The following FRMD5 variants were observed in gnomAD, a reference collection of about 807,000 sequenced individuals.
The protein encoded by FRMD5 is FERM domain-containing protein 5.
FRMD5 carries 20 observed loss-of-function variants against 69.0 expected under a neutral mutation model. The observed-to-expected ratio is 0.29, with a 90% CI of 0.20 to 0.42. The LOEUF is 0.42. Ranked by LOEUF, FRMD5 falls within the 10% of genes least tolerant of loss-of-function variation. The pLI is 1.00. For synonymous variants in FRMD5, 271 were observed against 260.1 expected, an observed-to-expected ratio of 1.04 and a Z score of -0.40; for missense variants, 595 against 708.6, an observed-to-expected ratio of 0.84 and a Z score of 1.82.
At chr15:44,108,558 T>C (rs1026877260) in intron 1 of FRMD5, among the ~76,000 whole-genome samples, 2 of 152,074 alleles carry the variant, frequency 1.3e-5, no homozygotes, top group Non-Finnish European at 2.9e-5. Flanking sequence ...GGCAGGAGAA[T>C]TGCTTAAACT....
At chr15:43,949,397 A>C (rs968846348) in intron 1 of FRMD5, among the ~76,000 whole-genome samples, 1 of 152,200 alleles carries the variant, frequency 6.6e-6, no homozygotes, top group African/African-American at 2.4e-5. Context: ...CAGTGATATA[A>C]TTATTCACAA....
At chr15:43,924,590 A>C (rs2089550937) in intron 1 of FRMD5, among the ~76,000 whole-genome samples, 1 of 152,164 alleles carries the variant, frequency 6.6e-6, no homozygotes, top group Non-Finnish European at 1.5e-5. Flanking sequence ...ATGCACAGAG[A>C]GCTTTCTTAA....
At position 43,989,113 on chromosome 15, in the gene FRMD5, T is replaced by C. The variant is rs1469614975; in HGVS notation, c.103-64804A>G. 3 of 985,894 alleles carry C rather than the reference T, an allele frequency of 3.0e-6. No homozygotes were observed. The African/African-American group carries it at 4.8e-5, about 16-fold the overall frequency. 61.1% of individuals were successfully genotyped at this position (985,894 alleles called of 1,614,324 possible). A position where few individuals can be genotyped will look rare whatever the true frequency, so the allele number is the denominator to read the frequency against. Reference sequence around the variant, plus strand: ...GGTGCCTGACTCATCATATTCCTGCTTGCTGATCCACATCTGCTGGACGGT... The same window carrying C: ...GGTGCCTGACTCATCATATTCCTGCCTGCTGATCCACATCTGCTGGACGGT... On this transcript the variant is annotated intron_variant, in intron 1 of 13. Coordinates refer to ENST00000417257, the MANE Select transcript of FRMD5 (RefSeq NM_032892.5).
chr15:44,013,947 C>A (rs554820657), intron 1 of FRMD5, among the ~76,000 whole-genome samples: 3 of 151,740 alleles, frequency 2.0e-5, no homozygotes, highest in Admixed American at 2.0e-4. Context: ...AGCTCCACCC[C>A]CTGGGTTCAC....
At chr15:44,059,316 G>T (rs545910065) in intron 1 of FRMD5, among the ~76,000 whole-genome samples, 4 of 152,254 alleles carry the variant, frequency 2.6e-5, no homozygotes, top group African/African-American at 7.2e-5. Context: ...ACATTTCAAG[G>T]CCAGGTGAAT....
At chr15:44,063,235 A>C (rs1893169373) in intron 1 of FRMD5, among the ~76,000 whole-genome samples, 1 of 152,210 alleles carries the variant, frequency 6.6e-6, no homozygotes, top group African/African-American at 2.4e-5. Context: ...TAAACCATTA[A>C]TTAAATTTCT....
intron 1 of FRMD5, among the ~76,000 whole-genome samples, chr15:44,045,721 G>T (rs1164461062): frequency 6.6e-6 from 1 of 152,086 alleles, no homozygotes; most frequent in African/African-American, 2.4e-5. Context: ...GTAAGGAAGG[G>T]GCAGAAGGAG....
At chr15:44,107,656 A>AT (rs1436885810) in intron 1 of FRMD5, among the ~76,000 whole-genome samples, 3 of 152,224 alleles carry the variant, frequency 2.0e-5, no homozygotes, top group African/African-American at 7.2e-5. Flanking sequence ...ATTTTTTAAC[A>AT]TTCCATTAAA....
At chr15:44,059,344 C>T (rs1440452158) in intron 1 of FRMD5, among the ~76,000 whole-genome samples, 1 of 152,054 alleles carries the variant, frequency 6.6e-6, no homozygotes, top group Non-Finnish European at 1.5e-5. Flanking sequence ...ATGATAGAGT[C>T]TGCATAGGTT....
intron 1 of FRMD5, among the ~76,000 whole-genome samples, chr15:43,946,771 C>T (rs2089954653): frequency 1.3e-5 from 2 of 152,164 alleles, no homozygotes; most frequent in Admixed American, 1.3e-4. Context: ...CTTCTGTCCC[C>T]CTGCTCCCTA....
intron 1 of FRMD5, among the ~76,000 whole-genome samples, chr15:43,970,500 C>G (rs550797405): frequency 2.0e-5 from 3 of 152,206 alleles, no homozygotes; most frequent in Non-Finnish European, 4.4e-5. Flanking sequence ...GAGACAGTCT[C>G]GCTCTGTCAC....
intron 1 of FRMD5, among the ~76,000 whole-genome samples, chr15:44,046,752 G>C (rs8029187): frequency 0.028 from 4,281 of 152,154 alleles, 170 homozygotes; most frequent in African/African-American, 0.088. Context: ...GCAAATTCTT[G>C]GAAACACCAC....
At chr15:43,880,956 A>G (rs1422082462) in intron 13 of FRMD5, among the ~76,000 whole-genome samples, 1 of 152,178 alleles carries the variant, frequency 6.6e-6, no homozygotes, top group Non-Finnish European at 1.5e-5. Flanking sequence ...CAGCCTCAGC[A>G]TGTCTCAGGA....
intron 4 of FRMD5, among the ~76,000 whole-genome samples, chr15:43,914,320 C>T (rs953459017): frequency 3.3e-5 from 5 of 152,180 alleles, no homozygotes; most frequent in Non-Finnish European, 7.3e-5. Context: ...CCACTGGCTT[C>T]CCCTATTTAC....
intron 1 of FRMD5, among the ~76,000 whole-genome samples, chr15:43,938,449 C>T (rs544054524): frequency 2.5e-4 from 38 of 152,272 alleles, no homozygotes; most frequent in Admixed American, 3.9e-4. Context: ...TCTTTCCAAA[C>T]GCTAGACTCT....
intron 1 of FRMD5, among the ~76,000 whole-genome samples, chr15:44,016,270 G>C (rs1234125189): frequency 6.6e-6 from 1 of 152,176 alleles, no homozygotes; most frequent in Non-Finnish European, 1.5e-5. Context: ...GAGCAATCTA[G>C]TGGGAATTAT....
chr15:43,926,719 A>G (rs948809144), intron 1 of FRMD5, among the ~76,000 whole-genome samples: 24 of 151,834 alleles, frequency 1.6e-4, no homozygotes, highest in African/African-American at 5.1e-4. Context: ...CTCTTCTGAG[A>G]CAGGAATAAT....
rs146624738 is a variant in FRMD5 at position 43,952,660 on chromosome 15, G to A, written c.103-28351C>T. On this transcript the variant is annotated intron_variant, in intron 1 of 13. Transcript: ENST00000417257. ...CCAAGAAAACATATGAAAAGAAAGC[G>A]AGCCTGCAGCTTCTGAGCTGTGTCC... Among the ~76,000 whole-genome samples the A allele has an allele frequency of 5.9e-3, 893 of 152,310 alleles. 11 individuals are homozygous for A. The highest frequency in any genetic ancestry group is 0.02 in the African/African-American group (844 of 41,562).
chr15:43,888,896 G>C (rs1445467349), intron 8 of FRMD5, 24 bp from the exon 9 acceptor site: 1 of 1,607,516 alleles, frequency 6.2e-7, no homozygotes, highest in South Asian at 1.1e-5. Flanking sequence ...GATAGTGCCT[G>C]TCACCTCATT....
Sources: gnomAD v4.1 joint callset for allele counts (sites outside exome capture counted in the v4.1 genomes callset) on GRCh38, gnomAD v4.1.1 for gene constraint, MANE v1.5 for transcripts, NCBI Gene and HGNC (gene_info 2026-07-23, HGNC 2026-07-21) for gene names.